Variants in CSMD1 observed in about 807,000 individuals in gnomAD.
CSMD1 encodes CUB and sushi domain-containing protein 1.
A neutral mutation model predicts 417.5 loss-of-function variants in CSMD1; 213 were observed. The ratio of observed to expected loss-of-function variants is 0.51; its 90% CI spans 0.46 to 0.57. The LOEUF is 0.57. Among genes scored for constraint, CSMD1 ranks in the 20% least tolerant of loss-of-function variants. CSMD1 has a pLI of 0.00. For missense variants in CSMD1, 6,923 were observed against 4,529.7 expected (o/e 1.53, Z -15.17); for synonymous variants, 2,862 against 1,736.8 (o/e 1.65, Z -16.11).
intron 3 of CSMD1, among the ~76,000 whole-genome samples, chr8:4,161,679 C>T (rs908140827): frequency 6.6e-6 from 1 of 152,244 alleles, no homozygotes; most frequent in South Asian, 2.1e-4. Flanking sequence ...AAAATTATTA[C>T]AATTTAGCAG....
chr8:4,372,631 TAAAA>T (rs10606022), intron 3 of CSMD1, among the ~76,000 whole-genome samples: 48,066 of 145,400 alleles, frequency 0.33, 8,000 homozygotes, highest in African/African-American at 0.42. Context: ...AAGGAAGTGT[TAAAA>T]AAAAAAAAAA....
At chr8:4,264,645 A>T (rs548720027) in intron 3 of CSMD1, among the ~76,000 whole-genome samples, 1 of 152,294 alleles carries the variant, frequency 6.6e-6, no homozygotes, top group South Asian at 2.1e-4. Flanking sequence ...CCACCCAGGT[A>T]CATGACAGCC....
At chr8:4,655,314 T>C (rs918960611) in intron 1 of CSMD1, among the ~76,000 whole-genome samples, 2 of 152,086 alleles carry the variant, frequency 1.3e-5, no homozygotes, top group East Asian at 3.9e-4. Context: ...TGATCCTAGT[T>C]CCTCAATGGC....
At chr8:4,274,998 G>C (rs777114332) in intron 3 of CSMD1, among the ~76,000 whole-genome samples, 1 of 152,052 alleles carries the variant, frequency 6.6e-6, no homozygotes, top group Non-Finnish European at 1.5e-5. Context: ...TAGAATGACA[G>C]GTATAAATAG....
intron 1 of CSMD1, among the ~76,000 whole-genome samples, chr8:4,956,649 T>A (rs1809133664): frequency 6.6e-6 from 1 of 151,846 alleles, no homozygotes; most frequent in Admixed American, 6.6e-5. Flanking sequence ...CTGGAGAAAA[T>A]ATGAAACTTT....
rs558947629 is a variant in CSMD1, at chr8:4,604,300, T to C, written c.302+33042A>G. On this transcript the variant is annotated intron_variant, in intron 2 of 69. Transcript: ENST00000635120. ...TAGATATAAGACATTGGTGTCTATA[T>C]AACAGGAATATGCATTAAATGGTTA... 5.3e-5 allele frequency among the ~76,000 whole-genome samples: 8 copies of C among 151,734 alleles called. No individual in the cohort carries two copies. The East Asian group carries it at 1.6e-3, about 29-fold the overall frequency.
chr8:3,137,311 TCAAA>T (rs1200497413), intron 41 of CSMD1, among the ~76,000 whole-genome samples: 1 of 152,204 alleles, frequency 6.6e-6, no homozygotes, highest in African/African-American at 2.4e-5. Flanking sequence ...AGCACAGACC[TCAAA>T]CAAATAAAGG....
At chr8:4,038,520 T>C (rs1201518788) in intron 3 of CSMD1, among the ~76,000 whole-genome samples, 2 of 152,214 alleles carry the variant, frequency 1.3e-5, no homozygotes, top group Non-Finnish European at 2.9e-5. Flanking sequence ...TTTCTGCCAA[T>C]TTCATTTTAA....
At chr8:3,621,388 A>G (rs754637523) in intron 7 of CSMD1, among the ~76,000 whole-genome samples, 4 of 152,134 alleles carry the variant, frequency 2.6e-5, no homozygotes, top group Non-Finnish European at 5.9e-5. Context: ...AGAGTAATCA[A>G]AGTCAGAGAG....
intron 5 of CSMD1, among the ~76,000 whole-genome samples, chr8:3,869,686 G>C (rs777770325): frequency 6.6e-6 from 1 of 152,098 alleles, no homozygotes; most frequent in Non-Finnish European, 1.5e-5. Flanking sequence ...GTGCACAGGT[G>C]CGCGCAGCCA....
intron 7 of CSMD1, among the ~76,000 whole-genome samples, chr8:3,652,181 A>G (rs2981364): frequency 0.54 from 74,501 of 138,716 alleles, 19,509 homozygotes; most frequent in Middle Eastern, 0.59. Flanking sequence ...CACCATCAGA[A>G]CACCTACCAC....
chr8:3,342,099 T>C (rs1172365541), intron 23 of CSMD1, among the ~76,000 whole-genome samples: 5 of 152,230 alleles, frequency 3.3e-5, no homozygotes, highest in African/African-American at 7.2e-5. Context: ...TATTAATTCA[T>C]AGGCTTTCTA....
chr8:4,806,161 A>G (rs548125783), intron 1 of CSMD1, among the ~76,000 whole-genome samples: 152 of 152,288 alleles, frequency 1.0e-3, no homozygotes, highest in Admixed American at 2.2e-3. Flanking sequence ...TGATAACTCA[A>G]TTGCATGTGA....
intron 23 of CSMD1, among the ~76,000 whole-genome samples, chr8:3,315,128 TG>T: frequency 6.6e-6 from 1 of 152,200 alleles, no homozygotes; most frequent in East Asian, 1.9e-4. Context: ...TGTACTTCTT[TG>T]GCAAAAATCT....
chr8:4,198,078 AG>A, intron 3 of CSMD1, among the ~76,000 whole-genome samples: 1 of 152,352 alleles, frequency 6.6e-6, no homozygotes, highest in South Asian at 2.1e-4. Flanking sequence ...GCGCAAAGCG[AG>A]GGAAGTCTGG....
At chr8:3,060,836 G>A (rs1029278484) in intron 49 of CSMD1, among the ~76,000 whole-genome samples, 2 of 152,124 alleles carry the variant, frequency 1.3e-5, no homozygotes, top group African/African-American at 2.4e-5. Flanking sequence ...GGGCTTTATG[G>A]AGCAGAGTCA....
intron 3 of CSMD1, among the ~76,000 whole-genome samples, chr8:4,104,025 G>T (rs117001624): frequency 1.3e-5 from 2 of 152,164 alleles, no homozygotes; most frequent in Non-Finnish European, 2.9e-5. Context: ...GCCTGTCCCT[G>T]CCCCAGCCTG....
intron 3 of CSMD1, among the ~76,000 whole-genome samples, chr8:4,078,842 G>A (rs970890274): frequency 6.9e-6 from 1 of 144,648 alleles, no homozygotes; most frequent in African/African-American, 2.6e-5. Flanking sequence ...TCAAGATTAT[G>A]TTGGCCAACG....
intron 3 of CSMD1, among the ~76,000 whole-genome samples, chr8:4,289,424 C>T (rs1392959332): frequency 9.7e-6 from 1 of 102,626 alleles, no homozygotes; most frequent in African/African-American, 3.4e-5. Flanking sequence ...TGTGTTTCTC[C>T]TATTTTTTGC....
Sources: allele counts gnomAD v4.1 joint callset (sites outside exome capture counted in the v4.1 genomes callset), GRCh38; gene constraint gnomAD v4.1.1; transcripts MANE v1.5; gene names NCBI Gene and HGNC (gene_info 2026-07-23, HGNC 2026-07-21).